The following JAK2 variants were observed in gnomAD, a reference collection of about 807,000 sequenced individuals.
The protein encoded by JAK2 is Janus kinase 2, also known as tyrosine-protein kinase JAK2.
Under a neutral mutation model 139.3 loss-of-function variants are expected in JAK2, and 86 were observed. The observed-to-expected ratio is 0.62, with a 90% CI of 0.52 to 0.74. The LOEUF (loss-of-function observed/expected upper bound fraction) is 0.74, where lower values mean the gene tolerates loss of function less well. JAK2 is among the 30% of genes least tolerant of loss of function. JAK2 has a pLI of 0.00. For synonymous variants in JAK2, 490 were observed against 437.7 expected, an observed-to-expected ratio of 1.12 and a Z score of -1.49; for missense variants, 1,421 against 1,360.3, an observed-to-expected ratio of 1.04 and a Z score of -0.70.
At chr9:5,076,404 A>G (rs1006754406) in intron 14 of JAK2, among the ~76,000 whole-genome samples, 20 of 152,336 alleles carry the variant, frequency 1.3e-4, no homozygotes, top group Non-Finnish European at 2.5e-4. Flanking sequence ...AACTTTAAGC[A>G]GCCACCACCA....
chr9:4,987,556 T>C (rs560099733), intron 2 of JAK2, among the ~76,000 whole-genome samples: 26 of 151,882 alleles, frequency 1.7e-4, no homozygotes, highest in African/African-American at 6.0e-4. Context: ...GCCAACATGG[T>C]GAAACCCCAT....
At chr9:5,039,782 A>C (rs1286233317) in intron 4 of JAK2, among the ~76,000 whole-genome samples, 13 of 152,172 alleles carry the variant, frequency 8.5e-5, no homozygotes, top group Non-Finnish European at 1.5e-5. Flanking sequence ...TGTAAAATGT[A>C]TACACTGAGA....
chr9:5,110,845 G>A lies in JAK2; in HGVS notation c.3060-12159G>A. The A allele has an allele frequency of 4.3e-6, 2 of 469,870 alleles. 1 individual carries two copies. Among genetic ancestry groups the A allele is most frequent in the Admixed American group, 5.1e-5 (2 of 38,910 alleles). The allele number at this position is 469,870 out of a possible 1,614,324, so 29.1% of individuals were successfully genotyped here. A position where few individuals can be genotyped will look rare whatever the true frequency, so the allele number is the denominator to read the frequency against. On this transcript the variant is annotated intron_variant, in intron 22 of 24. Transcript: ENST00000381652. ...CGCCCGTTTGTTCGGGGAAGGTGGG[G>A]GGGACGCTTCATGCCGCCGCGCCCA...
At position 5,088,183 on chromosome 9, in the gene JAK2, G is replaced by A. The variant is rs1445418199; in HGVS notation, c.2572-1491G>A. 4.6e-5 allele frequency among the ~76,000 whole-genome samples: 7 copies of A among 152,330 alleles called. No homozygotes were observed. The South Asian group carries it at 1.4e-3, about 32-fold the overall frequency. ...TCCGCGGTCACAGAGAGAGCAAGTT[G>A]TGGATCAATATTCTAGTTCCAATCT... On this transcript the variant is annotated intron_variant, in intron 19 of 24. Transcript: ENST00000381652.
In JAK2 at chr9:5,080,294, G is replaced by A; in HGVS notation, c.2197G>A (p.Ala733Thr). 6.2e-7 allele frequency: 1 copy of A among 1,613,198 alleles called. No homozygotes were observed. The highest frequency in any genetic ancestry group is 8.5e-7 in the Non-Finnish European group (1 of 1,179,298). The stretch of plus-strand genomic sequence containing the variant: ...TGAAAATCCTAAAAATTTAAATTTG[G>A]CAACAGACAAATGGAGTTTTGGTAC... ...CIENPKNLNLATDKWSFGTTL... is the reference protein window; with the variant it reads ...CIENPKNLNLTTDKWSFGTTL... Residue 733 changes from alanine (A) to threonine (T), a missense_variant, in exon 17 of 25, where the codon GCA (alanine) becomes ACA (threonine). Coordinates refer to ENST00000381652, the MANE Select transcript of JAK2 (RefSeq NM_004972.4).
chr9:5,068,357 A>G (rs921254735), intron 10 of JAK2, among the ~76,000 whole-genome samples: 2 of 152,338 alleles, frequency 1.3e-5, no homozygotes, highest in South Asian at 4.1e-4. Flanking sequence ...ACTGCAAAAT[A>G]TTAAAAATGT....
chr9:5,109,950 G>A (rs1325106737), intron 22 of JAK2: 1 of 152,172 alleles, frequency 6.6e-6, no homozygotes. Context: ...TGGCCGAGCA[G>A]ATGCTAATAC....
chr9:5,125,750 A>G (rs201450064), intron 23 of JAK2, among the ~76,000 whole-genome samples: 4 of 68,852 alleles, frequency 5.8e-5, no homozygotes, highest in Admixed American at 1.4e-4. Context: ...GGTTGACTAT[A>G]TATTTGTTGG....
chr9:5,073,556 G>A, intron 13 of JAK2, 142 bp from the exon 14 acceptor site: 1 of 658,772 alleles, frequency 1.5e-6, no homozygotes, highest in South Asian at 1.8e-5. Context: ...TCCATATAAA[G>A]GGACCAAAGC....
chr9:4,996,253 A>G (rs961521013), intron 2 of JAK2, among the ~76,000 whole-genome samples: 9 of 152,186 alleles, frequency 5.9e-5, no homozygotes, highest in African/African-American at 2.2e-4. Flanking sequence ...GTTCACCACC[A>G]GCCTGACTAA....
intron 22 of JAK2, chr9:5,099,876 CCT>C (rs1245882294): frequency 1.3e-5 from 2 of 152,100 alleles, no homozygotes; most frequent in African/African-American, 2.4e-5. Context: ...TAGCAATCCC[CCT>C]GTGAGCAGGC....
intron 3 of JAK2, among the ~76,000 whole-genome samples, chr9:5,022,834 T>G (rs1213618066): frequency 1.3e-5 from 2 of 152,228 alleles, no homozygotes; most frequent in Non-Finnish European, 2.9e-5. Flanking sequence ...TTTTAAATGT[T>G]CTTTTAATAG....
intron 8 of JAK2, among the ~76,000 whole-genome samples, chr9:5,062,406 C>CAT (rs1563967058): frequency 2.1e-5 from 3 of 141,714 alleles, no homozygotes; most frequent in Non-Finnish European, 4.5e-5. Context: ...ATTACCAAAA[C>CAT]ATGACACATA....
rs1032989018 is a variant in JAK2, at chr9:5,044,571, C to T, written c.468+51C>T. On this transcript the variant is annotated intron_variant, in intron 5 of 24. Transcript: ENST00000381652. The stretch of plus-strand genomic sequence containing the variant: ...CATGAGTTAAATGATAAATATCTTG[C>T]TGTTTAATAAGTCACTTAATCAGGA... The T allele has an allele frequency of 2.6e-6, 3 of 1,151,302 alleles. No individual in the cohort carries two copies. The African/African-American group carries it at 4.7e-5, about 18-fold the overall frequency. 71.3% of individuals were successfully genotyped at this position (1,151,302 alleles called of 1,614,324 possible).
intron 2 of JAK2, among the ~76,000 whole-genome samples, chr9:5,007,888 T>C (rs1380700728): frequency 1.3e-5 from 2 of 152,016 alleles, no homozygotes; most frequent in Non-Finnish European, 2.9e-5. Flanking sequence ...CCACCACGCC[T>C]GGCTAATTTT....
intron 2 of JAK2, among the ~76,000 whole-genome samples, chr9:5,014,032 GTC>G (rs1414655483): frequency 2.0e-5 from 3 of 151,932 alleles, no homozygotes; most frequent in Non-Finnish European, 4.4e-5. Context: ...GAAAAGTTGT[GTC>G]TCTTAGAATT....
chr9:5,061,964 G>C (rs1265089899), intron 8 of JAK2, among the ~76,000 whole-genome samples: 1 of 152,166 alleles, frequency 6.6e-6, no homozygotes, highest in East Asian at 1.9e-4. Context: ...GGCCTGAGGA[G>C]AGGGAAAAAG....
intron 2 of JAK2, among the ~76,000 whole-genome samples, chr9:5,016,120 A>G (rs1822042438): frequency 2.0e-5 from 3 of 152,164 alleles, no homozygotes; most frequent in Admixed American, 1.3e-4. Flanking sequence ...CAAATAGACT[A>G]TTGGAAGGGG....
intron 5 of JAK2, among the ~76,000 whole-genome samples, chr9:5,048,980 C>G (rs1430752372): frequency 6.6e-6 from 1 of 152,122 alleles, no homozygotes; most frequent in Non-Finnish European, 1.5e-5. Context: ...TCTCCCATTA[C>G]ATGTTCAGTC....
Sources: allele counts gnomAD v4.1 joint callset (sites outside exome capture counted in the v4.1 genomes callset), GRCh38; gene constraint gnomAD v4.1.1; transcripts MANE v1.5; gene names NCBI Gene and HGNC (gene_info 2026-07-23, HGNC 2026-07-21).